Variants in KSR2 observed in about 807,000 individuals in gnomAD.
KSR2 encodes the protein kinase suppressor of ras 2.
Under a neutral mutation model 107.8 loss-of-function variants are expected in KSR2, and 25 were observed. The ratio of observed to expected loss-of-function variants is 0.23; its 90% CI spans 0.17 to 0.32. The LOEUF (loss-of-function observed/expected upper bound fraction) is 0.32, where lower values mean the gene tolerates loss of function less well. KSR2 is among the 10% of genes least tolerant of loss of function. KSR2 has a pLI of 1.00. For synonymous variants in KSR2, 480 were observed against 507.0 expected (o/e 0.95, Z 0.71); for missense variants, 887 against 1,268.9 (o/e 0.70, Z 4.57).
intron 8 of KSR2, among the ~76,000 whole-genome samples, chr12:117,557,904 G>A (rs919458489): frequency 1.3e-5 from 2 of 152,078 alleles, no homozygotes; most frequent in Admixed American, 1.3e-4. Flanking sequence ...TAAGTCCTTG[G>A]CAGCCAGGAA....
Position 117,918,704 on chromosome 12 carries a change from C to T in KSR2, c.180+49372G>A, listed in dbSNP as rs555766851. ...TCGGGAGGCTGAGGCAGGAGATTCG[C>T]TTGAATCCAGGAGGCAGAGGTTGTG... On this transcript the variant is annotated intron_variant, in intron 1 of 19. Coordinates refer to ENST00000339824, the MANE Select transcript of KSR2 (RefSeq NM_173598.6). 5.3e-5 allele frequency among the ~76,000 whole-genome samples: 8 copies of T among 151,734 alleles called. No homozygotes were observed. In the South Asian group the frequency reaches 1.7e-3, roughly 32 times the overall value.
At chr12:117,783,779 C>T (rs753896224) in intron 3 of KSR2, among the ~76,000 whole-genome samples, 1 of 152,102 alleles carries the variant, frequency 6.6e-6, no homozygotes, top group South Asian at 2.1e-4. Flanking sequence ...ATATTTCTGG[C>T]CAGAGGACCA....
intron 4 of KSR2, among the ~76,000 whole-genome samples, chr12:117,693,150 T>G (rs971988256): frequency 1.3e-5 from 2 of 152,136 alleles, no homozygotes; most frequent in Non-Finnish European, 2.9e-5. Context: ...AGGCCGAGGT[T>G]CTGGAGGTCT....
At chr12:117,756,809 C>T (rs1390724560) in intron 4 of KSR2, among the ~76,000 whole-genome samples, 1 of 152,168 alleles carries the variant, frequency 6.6e-6, no homozygotes, top group Non-Finnish European at 1.5e-5. Context: ...AATCCCAACA[C>T]TTTGGGAGGC....
At chr12:117,788,782 G>A (rs1890164023) in intron 3 of KSR2, among the ~76,000 whole-genome samples, 1 of 152,106 alleles carries the variant, frequency 6.6e-6, no homozygotes, top group Admixed American at 6.5e-5. Context: ...CAAAGTGCTG[G>A]GATTATAGGT....
chr12:117,867,683 C>T (rs555963678), intron 1 of KSR2, among the ~76,000 whole-genome samples: 1 of 152,282 alleles, frequency 6.6e-6, no homozygotes, highest in Admixed American at 6.5e-5. Context: ...CCCAGACGTC[C>T]CAGCCAAAAC....
At chr12:117,488,702 T>C (rs1675294742) in intron 14 of KSR2, among the ~76,000 whole-genome samples, 1 of 67,016 alleles carries the variant, frequency 1.5e-5, no homozygotes, top group Admixed American at 1.4e-4. Flanking sequence ...TCTTTTTTCT[T>C]TTTTTTTTTT....
At chr12:117,742,539 G>GATGA (rs1202759817) in intron 4 of KSR2, among the ~76,000 whole-genome samples, 1 of 151,786 alleles carries the variant, frequency 6.6e-6, no homozygotes, top group Non-Finnish European at 1.5e-5. Context: ...TGGGTGGATG[G>GATGA]ATGGATGGAT....
At chr12:117,540,269 A>G (rs557434621) in intron 9 of KSR2, among the ~76,000 whole-genome samples, 1 of 152,290 alleles carries the variant, frequency 6.6e-6, no homozygotes, top group East Asian at 1.9e-4. Flanking sequence ...TAAAGAATCA[A>G]CAGTCTGACA....
chr12:117,792,319 C>T (rs1332435460), intron 3 of KSR2, among the ~76,000 whole-genome samples: 1 of 151,846 alleles, frequency 6.6e-6, no homozygotes, highest in Non-Finnish European at 1.5e-5. Context: ...CATTGCACTC[C>T]AGCCTGGTTG....
chr12:117,574,945 C>T (rs1218490916), intron 7 of KSR2, among the ~76,000 whole-genome samples: 1 of 150,776 alleles, frequency 6.6e-6, no homozygotes, highest in African/African-American at 2.4e-5. Flanking sequence ...CAAATCCAGG[C>T]TTCGGGAAGG....
At chr12:117,850,530 T>C (rs1352925019) in intron 3 of KSR2, among the ~76,000 whole-genome samples, 2 of 152,146 alleles carry the variant, frequency 1.3e-5, no homozygotes, top group Non-Finnish European at 2.9e-5. Context: ...CCCTGGGATG[T>C]TTTCCAATCC....
chr12:117,800,388 CA>C (rs1429437126), intron 3 of KSR2, among the ~76,000 whole-genome samples: 10 of 152,182 alleles, frequency 6.6e-5, no homozygotes, highest in African/African-American at 2.4e-4. Flanking sequence ...CTGCCCCCCC[CA>C]AAGCCTAAAA....
chr12:117,917,448 GAGA>G (rs1895213665), intron 1 of KSR2, among the ~76,000 whole-genome samples: 1 of 152,068 alleles, frequency 6.6e-6, no homozygotes, highest in South Asian at 2.1e-4. Flanking sequence ...AAGATGAAGT[GAGA>G]AGATCACTTG....
intron 5 of KSR2, among the ~76,000 whole-genome samples, chr12:117,614,343 T>C (rs1046646433): frequency 5.9e-5 from 9 of 152,212 alleles, no homozygotes; most frequent in Non-Finnish European, 1.3e-4. Flanking sequence ...CATAAATTAC[T>C]TTTTATAATT....
In KSR2 at chr12:117,586,315, G is replaced by A. The variant is rs187797493; in HGVS notation, c.1172-3956C>T. Among the ~76,000 whole-genome samples the A allele has an allele frequency of 1.5e-3, 235 of 152,174 alleles. 2 individuals carry two copies. Among genetic ancestry groups the A allele is most frequent in the South Asian group, 4.2e-4 (2 of 4,814 alleles). The stretch of plus-strand genomic sequence containing the variant: ...AAATAAGAAAAATAGGGCCGGGTGC[G>A]GTGACTCACACCTGTAATCACAATA... On this transcript the variant is annotated intron_variant, in intron 5 of 19. Transcript: ENST00000339824.
At chr12:117,531,840 T>A (rs1356716480) in intron 10 of KSR2, 133 bp from the exon 11 acceptor site, 8 of 595,626 alleles carry the variant, frequency 1.3e-5, no homozygotes, top group Non-Finnish European at 2.3e-5. Flanking sequence ...TCTGCAGACA[T>A]CCCTGCAGAC....
intron 3 of KSR2, among the ~76,000 whole-genome samples, chr12:117,781,688 C>A (rs1047929631): frequency 3.9e-5 from 6 of 152,130 alleles, no homozygotes; most frequent in Non-Finnish European, 8.8e-5. Flanking sequence ...ACCATCTGAG[C>A]CCCTGGCACA....
At chr12:117,695,337 A>C (rs1753122186) in intron 4 of KSR2, among the ~76,000 whole-genome samples, 1 of 152,178 alleles carries the variant, frequency 6.6e-6, no homozygotes, top group South Asian at 2.1e-4. Context: ...GAACGTACTT[A>C]ATATCACTGA....
Sources: allele counts gnomAD v4.1 joint callset (sites outside exome capture counted in the v4.1 genomes callset), GRCh38; gene constraint gnomAD v4.1.1; transcripts MANE v1.5; gene names NCBI Gene and HGNC (gene_info 2026-07-23, HGNC 2026-07-21).